Variants in WDFY4 observed in about 807,000 individuals in gnomAD.
WDFY4 encodes WD repeat- and FYVE domain-containing protein 4.
A neutral mutation model predicts 351.9 loss-of-function variants in WDFY4; 169 were observed. The observed-to-expected ratio is 0.48, with a 90% confidence interval of 0.42 to 0.55. The LOEUF is 0.55. Ranked by LOEUF, WDFY4 falls within the 20% of genes least tolerant of loss-of-function variation. The probability of loss-of-function intolerance (pLI) is 0.00; values close to 1 mark genes in which losing one functional copy is unlikely to be tolerated. For synonymous variants in WDFY4, 1,622 were observed against 1,574.6 expected (o/e 1.03, Z -0.71); for missense variants, 3,803 against 3,935.6 (o/e 0.97, Z 0.90).
chr10:48,791,562 C>G (rs1871602), intron 23 of WDFY4, among the ~76,000 whole-genome samples: 24,083 of 152,194 alleles, frequency 0.16, 2,767 homozygotes, highest in African/African-American at 0.32. Context: ...CACCTGCACA[C>G]GGGACCTGCT....
chr10:48,742,274 T>C (rs758558774), intron 11 of WDFY4, among the ~76,000 whole-genome samples: 14 of 152,266 alleles, frequency 9.2e-5, no homozygotes, highest in East Asian at 3.8e-4. Context: ...CTATGCTATG[T>C]GTTATACCTA....
intron 35 of WDFY4, chr10:48,824,077 T>A: frequency 1.0e-6 from 1 of 985,472 alleles, no homozygotes; most frequent in African/African-American, 1.7e-5. Flanking sequence ...TGGAGATGTA[T>A]GGACCAGTCC....
rs1424317217 is a variant in WDFY4, at chr10:48,978,407, T to G, written c.9376+14T>G. 6.5e-7 allele frequency: 1 copy of G among 1,547,534 alleles called. No individual in the cohort carries two copies. The highest frequency in any genetic ancestry group is 1.2e-5 in the South Asian group (1 of 83,556). On this transcript the variant is annotated intron_variant, in intron 60 of 61. Coordinates refer to ENST00000325239, the MANE Select transcript of WDFY4 (RefSeq NM_001394531.1). ...CAAGCCCAAGAGGTACCTGACCTGC[T>G]AGGGATGTGGCCGTCCTGGCCTTGC...
rs1246559999 is a variant in WDFY4 at position 48,790,814 on chromosome 10, C to T, written c.4154C>T (p.Ala1385Val). 28 of 1,551,686 alleles carry T rather than the reference C, an allele frequency of 1.8e-5. No homozygotes were observed. The East Asian group carries it at 3.7e-4, about 20-fold the overall frequency. ...ATCCTCCTGGGCCTCATCTCCTTAG[C>T]GACAGATGACCATACCATGTATGCG... is the stretch of plus-strand genomic sequence containing the variant. ...PAILLGLISL[A>V]TDDHTMYAAV... Residue 1385 changes from alanine to valine, a missense_variant, in exon 23 of 62, where the codon GCG becomes GTG. Physicochemically the swap from Ala to Val is moderately conservative, Grantham distance 64. Coordinates refer to ENST00000325239, the MANE Select transcript of WDFY4 (RefSeq NM_001394531.1).
chr10:48,726,932 G>A (rs1298409244), intron 6 of WDFY4, among the ~76,000 whole-genome samples: 2 of 152,142 alleles, frequency 1.3e-5, no homozygotes, highest in African/African-American at 2.4e-5. Flanking sequence ...CACCACTCTG[G>A]TGGGGTAGCC....
In WDFY4 at chr10:48,821,108, C is replaced by A; in HGVS notation, c.5756C>A (p.Ser1919Tyr). Residue 1919 changes from serine to tyrosine, a missense_variant, in exon 34 of 62, where the codon TCC becomes TAC. Ser to Tyr is a moderately radical substitution (Grantham distance 144). Transcript: ENST00000325239. ...ATSQQKRDFQ[S>Y]EVLLSAMELF... is the part of the protein sequence containing the mutation. ...AGCCAACAGAAGCGAGACTTCCAGT[C>A]CGAGGTCCTGCTTTCTGCTATGGAA... 1 of 1,551,732 alleles carries A rather than the reference C, an allele frequency of 6.4e-7. No individual in the cohort carries two copies. Among genetic ancestry groups the A allele is most frequent in the Non-Finnish European group, 8.7e-7 (1 of 1,146,990 alleles).
Position 48,766,257 on chromosome 10 carries a change from T to C in WDFY4, c.2553+5817T>C, listed in dbSNP as rs191589904. Reference sequence around the variant, plus strand: ...TTCCTCAGTGGAAAATCTCAGGTTCTGGTCAAAATCCAGGTGACTTCTCAT... The same window carrying C: ...TTCCTCAGTGGAAAATCTCAGGTTCCGGTCAAAATCCAGGTGACTTCTCAT... On this transcript the variant is annotated intron_variant, in intron 13 of 61. Coordinates refer to ENST00000325239, the MANE Select transcript of WDFY4 (RefSeq NM_001394531.1). Among the ~76,000 whole-genome samples the C allele has an allele frequency of 2.0e-4, 30 of 152,344 alleles. No homozygotes were observed. The East Asian group carries it at 5.4e-3, about 27-fold the overall frequency.
intron 61 of WDFY4, 76 bp downstream of exon 61, chr10:48,981,554 G>C: frequency 2.8e-6 from 4 of 1,409,504 alleles, no homozygotes; most frequent in Non-Finnish European, 3.9e-6. Context: ...CAGTGGCTCT[G>C]AGTCCAGGCC....
Position 48,745,804 on chromosome 10 carries a change from T to C in WDFY4, c.2459+2256T>C. On this transcript the variant is annotated intron_variant, in intron 12 of 61. Coordinates refer to ENST00000325239, the MANE Select transcript of WDFY4 (RefSeq NM_001394531.1). ...AGAAACACCCATCTAGTTTTCCTGC[T>C]GTAGGGCGGTGGGATTCCATCGAAC... The C allele has an allele frequency of 5.2e-6, 2 of 383,208 alleles. 1 individual carries two copies. The highest frequency in any genetic ancestry group is 8.1e-5 in the Admixed American group (2 of 24,648). 23.7% of individuals were successfully genotyped at this position (383,208 alleles called of 1,614,324 possible).
At chr10:48,950,883 G>GAGTGAC (rs898224233) in intron 51 of WDFY4, among the ~76,000 whole-genome samples, 1 of 152,224 alleles carries the variant, frequency 6.6e-6, no homozygotes, top group Non-Finnish European at 1.5e-5. Flanking sequence ...CCCCAGTGCA[G>GAGTGAC]AGTGACAGGC....
chr10:48,851,045 G>A (rs1435256890), intron 39 of WDFY4, among the ~76,000 whole-genome samples: 2 of 152,174 alleles, frequency 1.3e-5, no homozygotes, highest in Admixed American at 6.5e-5. Context: ...GCAAGAACCT[G>A]GTGCCCATCA....
intron 7 of WDFY4, among the ~76,000 whole-genome samples, chr10:48,728,810 A>G (rs1428315058): frequency 1.3e-5 from 2 of 152,244 alleles, no homozygotes; most frequent in Admixed American, 1.3e-4. Flanking sequence ...AGTTTTCCCC[A>G]GAATTCTTGT....
intron 32 of WDFY4, 141 bp downstream of exon 32, chr10:48,817,550 C>T (rs887636557): frequency 1.8e-6 from 2 of 1,083,072 alleles, no homozygotes; most frequent in Middle Eastern, 4.2e-4. Flanking sequence ...GAATAAGCAG[C>T]TTGGATAACC....
rs181022541 is a variant in WDFY4 at position 48,927,739 on chromosome 10, A to C, written c.7587-14067A>C. 8.1e-4 allele frequency among the ~76,000 whole-genome samples: 124 copies of C among 152,346 alleles called. 1 individual carries two copies. Among genetic ancestry groups the C allele is most frequent in the Non-Finnish European group, 1.4e-3 (94 of 68,022 alleles). The stretch of plus-strand genomic sequence containing the variant: ...AGCGGATAATAAGAATTCAACTTTT[A>C]TTTGGAGCAAAAGTTCCCAAGAGGT... On this transcript the variant is annotated intron_variant, in intron 47 of 61. Transcript: ENST00000325239.
At position 48,743,348 on chromosome 10, in the gene WDFY4, C is replaced by A. The variant is rs1196161370; in HGVS notation, c.2259C>A (p.Ser753Arg). Reference sequence around the variant, plus strand: ...TGCTGGGCACTGCCTTTTCCTCCAGCGGCTCACTCCCACCCCGGATACAGA... The same window carrying A: ...TGCTGGGCACTGCCTTTTCCTCCAGAGGCTCACTCCCACCCCGGATACAGA... ...ADLLGTAFSS[S>R]GSLPPRIQSC... The change falls in exon 12 of 62, where the codon AGC becomes AGA. Residue 753 changes from serine (S) to arginine (R), a missense_variant. Physicochemically the swap from Ser to Arg is moderately radical, Grantham distance 110. Around this residue, in one of 3 missense-constraint regions of WDFY4, gnomAD observed 3,054 missense variants for 3,148.6 expected, o/e 0.97. Coordinates refer to ENST00000325239, the MANE Select transcript of WDFY4 (RefSeq NM_001394531.1). 6 of 1,551,484 alleles carry A rather than the reference C, an allele frequency of 3.9e-6. No individual in the cohort carries two copies. Among genetic ancestry groups the A allele is most frequent in the African/African-American group, 1.4e-5 (1 of 73,028 alleles).
chr10:48,794,400 T>C (rs11101488), intron 23 of WDFY4, among the ~76,000 whole-genome samples: 15,400 of 152,106 alleles, frequency 0.1, 1,263 homozygotes, highest in African/African-American at 0.22. Flanking sequence ...TGCTGGGACA[T>C]GCTCAGTGGG....
chr10:48,720,271 G>A, intron 3 of WDFY4, 146 bp downstream of exon 3: 3 of 809,610 alleles, frequency 3.7e-6, no homozygotes, highest in Non-Finnish European at 5.7e-6. Context: ...CTGCCACTGA[G>A]TGCCTTAGGG....
At chr10:48,885,858 GA>G (rs1339612062) in intron 43 of WDFY4, among the ~76,000 whole-genome samples, 2 of 152,014 alleles carry the variant, frequency 1.3e-5, no homozygotes, top group Non-Finnish European at 2.9e-5. Context: ...ATTTAAGATA[GA>G]AAAAAGTAGA....
intron 13 of WDFY4, among the ~76,000 whole-genome samples, chr10:48,770,051 T>G (rs554082886): frequency 3.9e-5 from 6 of 152,224 alleles, no homozygotes; most frequent in African/African-American, 1.4e-4. Flanking sequence ...ACTGGTTTCC[T>G]GCTACTGCTA....
Sources: allele counts gnomAD v4.1 joint callset (sites outside exome capture counted in the v4.1 genomes callset), GRCh38; gene constraint gnomAD v4.1.1; regional missense constraint gnomAD v4.1.1; transcripts MANE v1.5; gene names NCBI Gene and HGNC (gene_info 2026-07-23, HGNC 2026-07-21).